Variants in DNAJA3 observed in about 807,000 individuals in gnomAD.
DNAJA3 encodes the protein dnaJ homolog subfamily A member 3, mitochondrial.
In DNAJA3, 29 loss-of-function variants were observed where a neutral mutation model predicts 54.9. That is an observed-to-expected ratio of 0.53 (90% CI 0.39 to 0.72). The LOEUF is 0.72. DNAJA3 is among the 30% of genes least tolerant of loss of function. DNAJA3 has a pLI of 0.00. For missense variants in DNAJA3, 708 were observed against 639.4 expected, an observed-to-expected ratio of 1.11 and a Z score of -1.16; for synonymous variants, 302 against 251.4, an observed-to-expected ratio of 1.20 and a Z score of -1.90.
At chr16:4,451,799 G>A (rs2056981847) in intron 10 of DNAJA3, among the ~76,000 whole-genome samples, 1 of 140,352 alleles carries the variant, frequency 7.1e-6, no homozygotes, top group South Asian at 2.4e-4. Flanking sequence ...GGTGGCTCAC[G>A]CCTGTAATCC....
At chr16:4,432,007 A>G (rs1159521506) in intron 1 of DNAJA3, 2 of 151,884 alleles carry the variant, frequency 1.3e-5, no homozygotes, top group African/African-American at 4.8e-5. Context: ...CCTAGGCCCC[A>G]TTAATCGTTA....
At position 4,430,046 on chromosome 16, in the gene DNAJA3, C is replaced by T. The variant is rs1182438186; in HGVS notation, c.211+3954C>T. Among the ~76,000 whole-genome samples, 3 of 151,414 alleles carry T rather than the reference C, an allele frequency of 2.0e-5. 1 individual carries two copies. Among genetic ancestry groups the T allele is most frequent in the Admixed American group, 6.6e-5 (1 of 15,144 alleles). ...AACTGAGAAGCCATGTGGTGGCGAGCCTCTATAGTCCTAGCTACTCAGGAG... is the reference window on the plus strand; with the variant it reads ...AACTGAGAAGCCATGTGGTGGCGAGTCTCTATAGTCCTAGCTACTCAGGAG... On this transcript the variant is annotated intron_variant, in intron 1 of 11. Transcript: ENST00000262375.
rs1236287425 is a variant in DNAJA3 at position 4,450,853 on chromosome 16, T to C, written c.1339+356T>C. Among the ~76,000 whole-genome samples the C allele has an allele frequency of 2.0e-5, 3 of 152,140 alleles. No homozygotes were observed. The East Asian group carries it at 5.8e-4, about 29-fold the overall frequency. On this transcript the variant is annotated intron_variant, in intron 10 of 11. Coordinates refer to ENST00000262375, the MANE Select transcript of DNAJA3 (RefSeq NM_005147.6). ...TCCCTGAGAGCTCCTGGCAAAAGCG[T>C]AAGGAGAGAGCATGGATTGGAAGGA...
chr16:4,446,968 G>C lies in DNAJA3; in HGVS notation c.1079G>C (p.Gly360Ala). The C allele has an allele frequency of 6.2e-7, 1 of 1,614,142 alleles. No homozygotes were observed. Among genetic ancestry groups the C allele is most frequent in the Non-Finnish European group, 8.5e-7 (1 of 1,179,998 alleles). ...ATTTCTATAGCTCAGGCTCTTCTTG[G>C]GGGTACAGCCAGAGCCCAGGGCCTG... ...LFISIAQALL[G>A]GTARAQGLYE... The change falls in exon 8 of 12, where the codon GGG (glycine) becomes GCG (alanine). Residue 360 changes from glycine to alanine, a missense_variant. Transcript: ENST00000262375.
chr16:4,445,056 C>T (rs2056886880), intron 7 of DNAJA3, among the ~76,000 whole-genome samples: 1 of 152,166 alleles, frequency 6.6e-6, no homozygotes, highest in African/African-American at 2.4e-5. Context: ...ATACTGTATA[C>T]AGGGGCAAAC....
At chr16:4,444,580 C>T (rs1287624234) in intron 6 of DNAJA3, 84 bp from the exon 7 acceptor site, 18 of 1,190,822 alleles carry the variant, frequency 1.5e-5, no homozygotes, top group South Asian at 7.5e-5. Context: ...ATGATCTGCC[C>T]GCCTCGGCCT....
rs1032398399 is a variant in DNAJA3, at chr16:4,456,639, C to G, written c.*1107C>G. The stretch of plus-strand genomic sequence containing the variant: ...TTAGACAGGTTAATGAAGAACACTT[C>G]TCAACAGTTTCCTTTTTGTTTTCCT... On this transcript the variant is annotated 3_prime_UTR_variant, in exon 12 of 12. Transcript: ENST00000262375. 1.3e-5 allele frequency: 2 copies of G among 152,646 alleles called. No individual in the cohort carries two copies. The highest frequency in any genetic ancestry group is 2.9e-5 in the Non-Finnish European group (2 of 68,048). 9.5% of individuals were successfully genotyped at this position (152,646 alleles called of 1,614,324 possible). A position where few individuals can be genotyped will look rare whatever the true frequency, so the allele number is the denominator to read the frequency against.
chr16:4,431,220 A>G (rs2056696246), intron 1 of DNAJA3: 1 of 152,188 alleles, frequency 6.6e-6, no homozygotes, highest in Admixed American at 6.6e-5. Context: ...CATTGGAATG[A>G]GTGGTGAGAG....
rs549070150 is a variant in DNAJA3 at position 4,443,106 on chromosome 16, C to A, written c.873C>A (p.Val291=). The change falls in exon 6 of 12, where the codon GTC becomes GTA. Residue 291 remains valine, a synonymous_variant. Transcript: ENST00000262375. ...RGSIIISPCV[V]CRGAGQAKQK... is the part of the protein sequence containing the mutation. ...CCATCATCATATCGCCCTGTGTGGT[C>A]TGCAGGGGAGCAGGACAAGCCAAGC... The A allele has an allele frequency of 1.2e-6, 2 of 1,613,856 alleles. No individual in the cohort carries two copies. The highest frequency in any genetic ancestry group is 1.7e-6 in the Non-Finnish European group (2 of 1,180,004).
At chr16:4,454,072 A>C (rs1297042372) in intron 10 of DNAJA3, among the ~76,000 whole-genome samples, 1 of 152,158 alleles carries the variant, frequency 6.6e-6, no homozygotes, top group African/African-American at 2.4e-5. Context: ...CAGCTTCCCT[A>C]GGTTGAGAGC....
In DNAJA3 at chr16:4,443,980, G is replaced by A. The variant is rs114964687; in HGVS notation, c.932-684G>A. On this transcript the variant is annotated intron_variant, in intron 6 of 11. Coordinates refer to ENST00000262375, the MANE Select transcript of DNAJA3 (RefSeq NM_005147.6). ...AGATTATAGTCATGAGCCACCGCGC[G>A]TGGCCTGCTTTACTGTTGTTTAGAT... Among the ~76,000 whole-genome samples, 748 of 152,202 alleles carry A rather than the reference G, an allele frequency of 4.9e-3. 11 individuals carry two copies. Among genetic ancestry groups the A allele is most frequent in the African/African-American group, 0.015 (624 of 41,542 alleles).
chr16:4,426,511 G>A (rs2056625308), intron 1 of DNAJA3, among the ~76,000 whole-genome samples: 1 of 152,216 alleles, frequency 6.6e-6, no homozygotes, highest in Non-Finnish European at 1.5e-5. Context: ...TTTAAAGAAT[G>A]AGAAACTGAG....
chr16:4,427,667 T>C (rs533682457), intron 1 of DNAJA3, among the ~76,000 whole-genome samples: 1 of 152,264 alleles, frequency 6.6e-6, no homozygotes, highest in South Asian at 2.1e-4. Flanking sequence ...AAGAGAATGA[T>C]TATTTATGTA....
At chr16:4,429,135 C>A (rs561570003) in intron 1 of DNAJA3, among the ~76,000 whole-genome samples, 1 of 151,946 alleles carries the variant, frequency 6.6e-6, no homozygotes, top group Admixed American at 6.6e-5. Flanking sequence ...GATCCACCCG[C>A]CTCCGCCTCC....
chr16:4,442,105 G>A (rs991254902), intron 4 of DNAJA3, among the ~76,000 whole-genome samples, 163 bp from the exon 5 acceptor site: 13 of 152,136 alleles, frequency 8.5e-5, no homozygotes, highest in African/African-American at 3.1e-4. Context: ...GGCAGAATTC[G>A]TTCAGTGAGT....
intron 8 of DNAJA3, chr16:4,447,285 A>T: frequency 2.3e-6 from 1 of 436,748 alleles, no homozygotes; most frequent in Non-Finnish European, 4.2e-6. Flanking sequence ...TTCAGGACAC[A>T]GAAGGGTTCA....
At chr16:4,430,086 A>G (rs924168424) in intron 1 of DNAJA3, among the ~76,000 whole-genome samples, 1 of 151,702 alleles carries the variant, frequency 6.6e-6, no homozygotes, top group Non-Finnish European at 1.5e-5. Flanking sequence ...AGGTGGGAGG[A>G]TTGCTGGAGT....
At chr16:4,435,854 G>A (rs2141375344) in intron 2 of DNAJA3, among the ~76,000 whole-genome samples, 1 of 152,326 alleles carries the variant, frequency 6.6e-6, no homozygotes, top group East Asian at 1.9e-4. Flanking sequence ...TATAGTTGCT[G>A]AGTCATATGG....
chr16:4,427,906 A>T (rs973026677), intron 1 of DNAJA3, among the ~76,000 whole-genome samples: 1 of 152,022 alleles, frequency 6.6e-6, no homozygotes, highest in African/African-American at 2.4e-5. Flanking sequence ...CAGCTTCCCA[A>T]AGTGCTGGGG....
Sources: gnomAD v4.1 joint callset for allele counts (sites outside exome capture counted in the v4.1 genomes callset) on GRCh38, gnomAD v4.1.1 for gene constraint, MANE v1.5 for transcripts, NCBI Gene and HGNC (gene_info 2026-07-23, HGNC 2026-07-21) for gene names.